Variants in ANKRD46 observed in about 807,000 individuals in gnomAD.
ANKRD46 encodes ankyrin repeat domain-containing protein 46.
ANKRD46 carries 13 observed loss-of-function variants against 19.8 expected under a neutral mutation model. The observed-to-expected ratio is 0.66, with a 90% confidence interval of 0.43 to 1.04. The LOEUF (loss-of-function observed/expected upper bound fraction) is 1.04, where lower values mean the gene tolerates loss of function less well. ANKRD46 is among the 50% of genes least tolerant of loss of function. The probability of loss-of-function intolerance (pLI) is 0.00; values close to 1 mark genes in which losing one functional copy is unlikely to be tolerated. For missense variants in ANKRD46, 185 were observed against 274.8 expected (o/e 0.67, Z 2.31); for synonymous variants, 91 against 106.9 (o/e 0.85, Z 0.92).
chr8:100,552,492 A>G (rs1812414401), intron 1 of ANKRD46, among the ~76,000 whole-genome samples: 1 of 151,974 alleles, frequency 6.6e-6, no homozygotes, highest in Non-Finnish European at 1.5e-5. Flanking sequence ...TCCCCTGTCT[A>G]CCTAGACTCC....
At chr8:100,542,621 G>T (rs549524255) in intron 1 of ANKRD46, among the ~76,000 whole-genome samples, 86 of 152,124 alleles carry the variant, frequency 5.7e-4, no homozygotes, top group African/African-American at 2.0e-3. Context: ...AACCTATTTT[G>T]GGAAGGAGTC....
intron 2 of ANKRD46, among the ~76,000 whole-genome samples, chr8:100,530,550 A>T (rs1811939420): frequency 6.6e-6 from 1 of 151,910 alleles, no homozygotes; most frequent in Non-Finnish European, 1.5e-5. Flanking sequence ...TGCTCAGCTA[A>T]TTTTTTGTAT....
chr8:100,555,638 A>C (rs938039605), intron 1 of ANKRD46, among the ~76,000 whole-genome samples: 6 of 150,432 alleles, frequency 4.0e-5, no homozygotes, highest in African/African-American at 1.5e-4. Context: ...AATGAGAACA[A>C]GAAAGGAGAG....
chr8:100,510,394 C>A lies in ANKRD46; in HGVS notation c.*183G>T. Reference sequence around the variant, plus strand: ...GCAGGTGCCCGGGCTGCCTGCAGGGCAGGACTGGAGAGGAGGGGACAGGTG... The same window carrying A: ...GCAGGTGCCCGGGCTGCCTGCAGGGAAGGACTGGAGAGGAGGGGACAGGTG... On this transcript the variant is annotated 3_prime_UTR_variant, in exon 6 of 6. Transcript: ENST00000520552. This position sits in a 1 kb window ranked among gnomAD's most constrained non-coding sequence, Gnocchi z 4.9. 2.1e-6 allele frequency: 1 copy of A among 485,876 alleles called. No homozygotes were observed. The highest frequency in any genetic ancestry group is 3.5e-6 in the Non-Finnish European group (1 of 284,862). 30.1% of individuals were successfully genotyped at this position (485,876 alleles called of 1,614,324 possible).
chr8:100,555,880 G>C (rs758669650), intron 1 of ANKRD46, among the ~76,000 whole-genome samples: 1 of 151,414 alleles, frequency 6.6e-6, no homozygotes, highest in South Asian at 2.1e-4. Flanking sequence ...CAATGCAACA[G>C]ATGGCTGTAT....
chr8:100,522,401 ACAT>A lies in ANKRD46; in HGVS notation c.*151_*153del. 7.0e-7 allele frequency: 1 copy of A among 1,438,550 alleles called. No homozygotes were observed. Among genetic ancestry groups the A allele is most frequent in the Non-Finnish European group, 9.1e-7 (1 of 1,102,382 alleles). The allele number at this position is 1,438,550 out of a possible 1,614,324, so 89.1% of individuals were successfully genotyped here. ...TAGTATGTAGTTAGTTCAAATGAAC[ACAT>A]CATTATCTAAAAGGATTACAATAAT... On this transcript the variant is annotated 3_prime_UTR_variant, in exon 5 of 5. Transcript: ENST00000335659.
At chr8:100,542,440 G>A (rs180918175) in intron 1 of ANKRD46, among the ~76,000 whole-genome samples, 1 of 152,240 alleles carries the variant, frequency 6.6e-6, no homozygotes, top group East Asian at 1.9e-4. Context: ...TGACTCATAT[G>A]TGGGGTATTA....
intron 1 of ANKRD46, chr8:100,558,955 T>C (rs1812557801): frequency 6.6e-6 from 1 of 152,174 alleles, no homozygotes; most frequent in Admixed American, 6.5e-5. Flanking sequence ...ACCACTCATA[T>C]TACAGCTCTT....
downstream of ANKRD46, among the ~76,000 whole-genome samples, chr8:100,518,384 T>C (rs1811666979): frequency 6.6e-6 from 1 of 152,250 alleles, no homozygotes; most frequent in South Asian, 2.1e-4. Context: ...AACAACGAAG[T>C]CATTACTATC....
Position 100,529,472 on chromosome 8 carries a change from A to C in ANKRD46, c.311+51T>G. The C allele has an allele frequency of 6.6e-7, 1 of 1,522,402 alleles. No individual in the cohort carries two copies. Among genetic ancestry groups the C allele is most frequent in the Non-Finnish European group, 8.9e-7 (1 of 1,120,772 alleles). The allele number at this position is 1,522,402 out of a possible 1,614,324, so 94.3% of individuals were successfully genotyped here. ...AGACCCAAGATAAGATTATCAGTTG[A>C]GAGATTAATGGGAAGAAATGACTAG... is the stretch of plus-strand genomic sequence containing the variant. On this transcript the variant is annotated intron_variant, in intron 3 of 4. Transcript: ENST00000335659. The surrounding 1 kb of genome is among the most constrained non-coding windows in gnomAD (Gnocchi z 5.8).
rs1276908764 is a variant in ANKRD46 at position 100,524,042 on chromosome 8, G to T, written c.471-1271C>A. On this transcript the variant is annotated intron_variant, in intron 4 of 4. Coordinates refer to ENST00000335659, the MANE Select transcript of ANKRD46 (RefSeq NM_001270377.2). This position sits in a 1 kb window ranked among gnomAD's most constrained non-coding sequence, Gnocchi z 4.3. ...TCATTTCTCTTCTGCATAAAGGCTA[G>T]TCTAGTTGAAAATAAGGTAGTGCAA... Among the ~76,000 whole-genome samples the T allele has an allele frequency of 6.6e-6, 1 of 152,166 alleles. No homozygotes were observed. The highest frequency in any genetic ancestry group is 2.4e-5 in the African/African-American group (1 of 41,430).
Position 100,522,443 on chromosome 8 carries a change from A to G in ANKRD46, c.*112T>C. 2 of 1,466,918 alleles carry G rather than the reference A, an allele frequency of 1.4e-6. No homozygotes were observed. Among genetic ancestry groups the G allele is most frequent in the Non-Finnish European group, 1.8e-6 (2 of 1,114,786 alleles). The allele number at this position is 1,466,918 out of a possible 1,614,324, so 90.9% of individuals were successfully genotyped here. On this transcript the variant is annotated 3_prime_UTR_variant, in exon 5 of 5. Coordinates refer to ENST00000335659, the MANE Select transcript of ANKRD46 (RefSeq NM_001270377.2). ...GATTACAATAATTAAAAATGCAAAA[A>G]GAACATGTACTGCCCTCACTGCTTT...
chr8:100,519,414 G>A (rs1811685761), downstream of ANKRD46, among the ~76,000 whole-genome samples: 1 of 152,228 alleles, frequency 6.6e-6, no homozygotes, highest in African/African-American at 2.4e-5. Context: ...AAGAGCACAA[G>A]GGAACTGGGC....
chr8:100,513,955 A>T (rs1211071414), intron 5 of ANKRD46, among the ~76,000 whole-genome samples: 1 of 152,206 alleles, frequency 6.6e-6, no homozygotes, highest in East Asian at 1.9e-4. Flanking sequence ...TATGGACTGA[A>T]ATTTCGGTGA....
At chr8:100,553,278 G>T (rs1276422544) in intron 1 of ANKRD46, among the ~76,000 whole-genome samples, 1 of 152,202 alleles carries the variant, frequency 6.6e-6, no homozygotes, top group Non-Finnish European at 1.5e-5. Flanking sequence ...CAGCCAATGG[G>T]CAAAATACAG....
At position 100,522,127 on chromosome 8, in the gene ANKRD46, C is replaced by T; in HGVS notation, c.*428G>A. 4 of 989,882 alleles carry T rather than the reference C, an allele frequency of 4.0e-6. No individual in the cohort carries two copies. Among genetic ancestry groups the T allele is most frequent in the Non-Finnish European group, 4.8e-6 (4 of 832,530 alleles). The allele number at this position is 989,882 out of a possible 1,614,324, so 61.3% of individuals were successfully genotyped here. On this transcript the variant is annotated 3_prime_UTR_variant, in exon 5 of 5. Coordinates refer to ENST00000335659, the MANE Select transcript of ANKRD46 (RefSeq NM_001270377.2). Reference sequence around the variant, plus strand: ...CCTAGAGAAAGTAAATAAAAAGTGGCTCTTGCAAAAATAAATGAAAACAAA... The same window carrying T: ...CCTAGAGAAAGTAAATAAAAAGTGGTTCTTGCAAAAATAAATGAAAACAAA...
intron 2 of ANKRD46, among the ~76,000 whole-genome samples, chr8:100,530,677 G>A (rs527664504): frequency 7.9e-5 from 12 of 152,274 alleles, no homozygotes; most frequent in Non-Finnish European, 1.2e-4. Flanking sequence ...GAGCCACCGC[G>A]CCTGGCCTAT....
rs1044065399 is a variant in ANKRD46, at chr8:100,534,491, G to A, written c.-130-1180C>T. The stretch of plus-strand genomic sequence containing the variant: ...CTTGATTTCCTTAAACAAATATTAT[G>A]TATTCACCCAAAGCCTAATATTTTT... On this transcript the variant is annotated intron_variant, in intron 1 of 4. Transcript: ENST00000335659. This position sits in a 1 kb window ranked among gnomAD's most constrained non-coding sequence, Gnocchi z 4.2. Among the ~76,000 whole-genome samples the A allele has an allele frequency of 1.3e-5, 2 of 152,138 alleles. No individual in the cohort carries two copies. The highest frequency in any genetic ancestry group is 4.8e-5 in the African/African-American group (2 of 41,440).
Position 100,545,366 on chromosome 8 carries a change from G to T in ANKRD46, c.-130-12055C>A, listed in dbSNP as rs1328707202. On this transcript the variant is annotated intron_variant, in intron 1 of 4. Transcript: ENST00000335659. This position sits in a 1 kb window ranked among gnomAD's most constrained non-coding sequence, Gnocchi z 4.7. ...GTGGTTACCCCCATGCTGTTCTCAT[G>T]ATAGTGAGGGAGGGCTCATAAATAA... Among the ~76,000 whole-genome samples, 1 of 152,104 alleles carries T rather than the reference G, an allele frequency of 6.6e-6. No individual in the cohort carries two copies. The highest frequency in any genetic ancestry group is 2.4e-5 in the African/African-American group (1 of 41,402).
Sources: allele counts gnomAD v4.1 joint callset (sites outside exome capture counted in the v4.1 genomes callset), GRCh38; gene constraint gnomAD v4.1.1; non-coding constraint Gnocchi (gnomAD v3.1); transcripts MANE v1.5; gene names NCBI Gene and HGNC (gene_info 2026-07-23, HGNC 2026-07-21).